Variants in KCNN2 observed in about 807,000 individuals in gnomAD.
KCNN2 encodes potassium calcium-activated channel subfamily N member 2.
KCNN2 carries 24 observed loss-of-function variants against 55.5 expected under a neutral mutation model. That is an observed-to-expected ratio of 0.43 (90% confidence interval 0.31 to 0.61). The LOEUF (loss-of-function observed/expected upper bound fraction) is 0.61, where lower values mean the gene tolerates loss of function less well. KCNN2 is among the 20% of genes least tolerant of loss of function. The pLI, the probability that KCNN2 is intolerant of heterozygous loss-of-function variation, is 0.08. For synonymous variants in KCNN2, 431 were observed against 336.1 expected (o/e 1.28, Z -3.09); for missense variants, 754 against 853.6 (o/e 0.88, Z 1.45).
chr5:114,386,181 T>TA (rs35485329), intron 2 of KCNN2, among the ~76,000 whole-genome samples: 3,013 of 100,842 alleles, frequency 0.03, 141 homozygotes, highest in African/African-American at 0.11. Flanking sequence ...AGACTCTGTC[T>TA]AAAAAAAAAA....
At chr5:114,090,555 C>G (rs1038472751) in intron 1 of KCNN2, among the ~76,000 whole-genome samples, 16 of 131,812 alleles carry the variant, frequency 1.2e-4, no homozygotes, top group Non-Finnish European at 2.3e-4. Context: ...TCCTCTCTCT[C>G]TCTCTCTATA....
At chr5:114,232,110 G>C (rs1754375377) in intron 2 of KCNN2, among the ~76,000 whole-genome samples, 1 of 150,992 alleles carries the variant, frequency 6.6e-6, no homozygotes, top group African/African-American at 2.5e-5. Context: ...CTGTCCCACT[G>C]TTTGGGCCTG....
At chr5:114,157,253 G>A (rs564421145) in intron 1 of KCNN2, among the ~76,000 whole-genome samples, 2 of 150,632 alleles carry the variant, frequency 1.3e-5, no homozygotes, top group Non-Finnish European at 1.5e-5. Context: ...AGAACATGCG[G>A]TGTTTGGCCC....
chr5:114,280,300 C>A (rs942731688), intron 2 of KCNN2, among the ~76,000 whole-genome samples: 10 of 152,172 alleles, frequency 6.6e-5, no homozygotes, highest in African/African-American at 2.2e-4. Flanking sequence ...AGCTCTTTAG[C>A]TTAATTAGAC....
At chr5:114,239,688 G>A (rs1310508755) in intron 2 of KCNN2, among the ~76,000 whole-genome samples, 3 of 152,098 alleles carry the variant, frequency 2.0e-5, no homozygotes, top group African/African-American at 7.2e-5. Context: ...TGTTTGAAAA[G>A]TGGTTCTTTG....
intron 1 of KCNN2, among the ~76,000 whole-genome samples, chr5:114,118,242 C>T (rs886082814): frequency 1.2e-4 from 19 of 152,058 alleles, no homozygotes; most frequent in African/African-American, 4.6e-4. Context: ...ATTTTCACCC[C>T]GTTCCCTAAA....
chr5:114,439,178 C>G (rs1365575676), intron 3 of KCNN2, among the ~76,000 whole-genome samples: 1 of 152,192 alleles, frequency 6.6e-6, no homozygotes, highest in Non-Finnish European at 1.5e-5. Context: ...GAAATCTCCA[C>G]ATGCCTACAT....
chr5:114,486,705 A>G (rs952783903), intron 5 of KCNN2: 34 of 1,284,442 alleles, frequency 2.6e-5, no homozygotes, highest in Admixed American at 9.3e-5. Flanking sequence ...CAGGGAAAGG[A>G]AGATCATGGA....
chr5:114,299,026 G>A (rs1002266983), intron 2 of KCNN2, among the ~76,000 whole-genome samples: 26 of 152,192 alleles, frequency 1.7e-4, no homozygotes, highest in Admixed American at 2.6e-4. Flanking sequence ...TATTGGGGCT[G>A]TTTTCAGGGT....
At chr5:114,250,140 C>T (rs1754829080) in intron 2 of KCNN2, among the ~76,000 whole-genome samples, 1 of 152,116 alleles carries the variant, frequency 6.6e-6, no homozygotes, top group South Asian at 2.1e-4. Context: ...TTTCATTTTT[C>T]TGTAGCCTTA....
intron 5 of KCNN2, among the ~76,000 whole-genome samples, chr5:114,482,512 A>T (rs1316733028): frequency 1.3e-5 from 2 of 152,198 alleles, no homozygotes; most frequent in African/African-American, 2.4e-5. Flanking sequence ...TTGACCCAGC[A>T]ATCTCATTAC....
At chr5:114,102,617 G>A (rs554601357) in intron 1 of KCNN2, among the ~76,000 whole-genome samples, 2 of 152,242 alleles carry the variant, frequency 1.3e-5, no homozygotes, top group African/African-American at 4.8e-5. Flanking sequence ...TTTTGTATAA[G>A]GTGTAAGGGA....
chr5:114,337,914 T>C (rs1485743187), intron 2 of KCNN2, among the ~76,000 whole-genome samples: 1 of 152,228 alleles, frequency 6.6e-6, no homozygotes, highest in Non-Finnish European at 1.5e-5. Context: ...GCTATATGTC[T>C]GGATTGTACC....
At chr5:114,473,434 A>G (rs1449560914) in intron 5 of KCNN2, among the ~76,000 whole-genome samples, 1 of 152,196 alleles carries the variant, frequency 6.6e-6, no homozygotes, top group Non-Finnish European at 1.5e-5. Flanking sequence ...TCAGTATAGT[A>G]TATGAGGCCA....
intron 1 of KCNN2, among the ~76,000 whole-genome samples, chr5:114,201,259 C>T (rs991385649): frequency 1.3e-5 from 2 of 151,944 alleles, no homozygotes; most frequent in African/African-American, 4.8e-5. Context: ...CTCCTTTATC[C>T]CTCCACTAAC....
At chr5:114,104,435 T>C (rs1751437572) in intron 1 of KCNN2, among the ~76,000 whole-genome samples, 2 of 152,168 alleles carry the variant, frequency 1.3e-5, no homozygotes, top group Admixed American at 6.5e-5. Flanking sequence ...GCTTTGATCT[T>C]AGTTATTTCT....
intron 1 of KCNN2, among the ~76,000 whole-genome samples, chr5:114,170,745 C>G (rs1425891361): frequency 6.6e-6 from 1 of 151,840 alleles, no homozygotes. Flanking sequence ...TTCCAAAAAC[C>G]TAGTCATTTA....
chr5:114,164,777 A>G (rs1752873637), intron 1 of KCNN2, among the ~76,000 whole-genome samples: 1 of 152,166 alleles, frequency 6.6e-6, no homozygotes, highest in Non-Finnish European at 1.5e-5. Context: ...TTTTTTATTA[A>G]GCAGTATAGC....
intron 3 of KCNN2, among the ~76,000 whole-genome samples, chr5:114,432,186 G>A (rs1173227462): frequency 6.6e-6 from 1 of 152,216 alleles, no homozygotes; most frequent in African/African-American, 2.4e-5. Flanking sequence ...CTCCAACTAT[G>A]ATAGTGGATT....
Sources: allele counts gnomAD v4.1 joint callset (sites outside exome capture counted in the v4.1 genomes callset), GRCh38; gene constraint gnomAD v4.1.1; transcripts MANE v1.5; gene names NCBI Gene and HGNC (gene_info 2026-07-23, HGNC 2026-07-21).